The following GRM1 variants were observed in gnomAD, a reference collection of about 807,000 sequenced individuals.
GRM1 encodes the protein glutamate metabotropic receptor 1, also known as metabotropic glutamate receptor 1.
A neutral mutation model predicts 90.9 loss-of-function variants in GRM1; 33 were observed. That is an observed-to-expected ratio of 0.36 (90% CI 0.28 to 0.49). The LOEUF (loss-of-function observed/expected upper bound fraction) is 0.49. Ranked by LOEUF, GRM1 falls within the 20% of genes least tolerant of loss-of-function variation. The pLI is 0.99. For synonymous variants in GRM1, 700 were observed against 613.2 expected, an observed-to-expected ratio of 1.14 and a Z score of -2.09; for missense variants, 1,190 against 1,534.3, an observed-to-expected ratio of 0.78 and a Z score of 3.75.
intron 5 of GRM1, among the ~76,000 whole-genome samples, chr6:146,374,073 G>T (rs1776002785): frequency 6.6e-6 from 1 of 152,084 alleles, no homozygotes. Flanking sequence ...ATTAAGAAGA[G>T]AAGTTGAATT....
intron 5 of GRM1, among the ~76,000 whole-genome samples, chr6:146,362,078 C>G (rs891052478): frequency 6.6e-6 from 1 of 152,190 alleles, no homozygotes; most frequent in Non-Finnish European, 1.5e-5. Context: ...TCTCCTCTCT[C>G]TGCTCTCTTC....
intron 1 of GRM1, among the ~76,000 whole-genome samples, chr6:146,041,860 C>T (rs976719717): frequency 6.6e-6 from 1 of 151,942 alleles, no homozygotes; most frequent in Non-Finnish European, 1.5e-5. Context: ...GACGGAGTAG[C>T]TTATAAATAA....
intron 1 of GRM1, among the ~76,000 whole-genome samples, chr6:146,080,926 C>T (rs895515346): frequency 1.4e-4 from 21 of 152,158 alleles, no homozygotes; most frequent in African/African-American, 1.2e-4. Context: ...CCCACACCCA[C>T]GGTGGAGTGG....
chr6:146,206,868 C>G (rs1437082167), intron 2 of GRM1, among the ~76,000 whole-genome samples: 1 of 152,080 alleles, frequency 6.6e-6, no homozygotes, highest in East Asian at 1.9e-4. Context: ...TAGTTCTTAT[C>G]ATTTAGCTCC....
intron 2 of GRM1, among the ~76,000 whole-genome samples, chr6:146,281,704 A>C (rs1458245587): frequency 1.3e-5 from 2 of 152,206 alleles, no homozygotes; most frequent in Non-Finnish European, 2.9e-5. Context: ...AGTTGAAATC[A>C]CTTAATGTGA....
intron 1 of GRM1, among the ~76,000 whole-genome samples, chr6:146,140,653 A>T (rs911492018): frequency 6.6e-6 from 1 of 152,242 alleles, no homozygotes; most frequent in African/African-American, 2.4e-5. Context: ...TGAAAACTTA[A>T]CACTGATTGC....
chr6:146,120,510 T>C (rs1381234443), intron 1 of GRM1, among the ~76,000 whole-genome samples: 3 of 152,186 alleles, frequency 2.0e-5, no homozygotes, highest in African/African-American at 7.2e-5. Context: ...ATCCCTGTCT[T>C]GTGCCAGTTT....
intron 2 of GRM1, among the ~76,000 whole-genome samples, chr6:146,255,067 A>G (rs971343806): frequency 1.4e-4 from 21 of 152,214 alleles, no homozygotes; most frequent in Admixed American, 5.2e-4. Context: ...CCTCAGCAAA[A>G]CTACAACCGC....
chr6:146,410,505 TA>T (rs1360369134), intron 7 of GRM1, among the ~76,000 whole-genome samples: 12 of 150,520 alleles, frequency 8.0e-5, no homozygotes, highest in African/African-American at 2.9e-4. Context: ...TGTAGGGGAG[TA>T]GAGGAATACC....
At chr6:146,316,903 C>T (rs1050931648) in intron 3 of GRM1, among the ~76,000 whole-genome samples, 8 of 152,186 alleles carry the variant, frequency 5.3e-5, no homozygotes, top group African/African-American at 1.9e-4. Context: ...TTAGTCTAGG[C>T]TGCCAGCTTT....
intron 2 of GRM1, among the ~76,000 whole-genome samples, chr6:146,244,133 G>A (rs1019727125): frequency 1.4e-4 from 21 of 152,004 alleles, no homozygotes; most frequent in Admixed American, 3.9e-4. Flanking sequence ...TGAACAATTT[G>A]TGCAGTTAAC....
chr6:146,159,673 A>G (rs1391602736), intron 2 of GRM1, 76 bp downstream of exon 2: 5 of 1,441,620 alleles, frequency 3.5e-6, no homozygotes, highest in Non-Finnish European at 4.8e-6. Context: ...ACACTTTGAA[A>G]CACATATGCT....
Position 146,141,121 on chromosome 6 carries a change from G to A in GRM1, c.701-18227G>A, listed in dbSNP as rs193004959. Among the ~76,000 whole-genome samples the A allele has an allele frequency of 2.0e-5, 3 of 152,206 alleles. No individual in the cohort carries two copies. In the East Asian group the frequency reaches 5.8e-4, roughly 29 times the overall value. ...GAGAAAGTTTTTATTTTTTCTTCAT[G>A]GGTGAAGGATATGTTCACTGAATAT... On this transcript the variant is annotated intron_variant, in intron 1 of 7. Transcript: ENST00000282753.
chr6:146,359,417 T>G (rs1176249910), intron 5 of GRM1, among the ~76,000 whole-genome samples: 1 of 152,232 alleles, frequency 6.6e-6, no homozygotes, highest in Non-Finnish European at 1.5e-5. Context: ...ATGTCACATG[T>G]TGGCTCAGGC....
chr6:146,284,051 G>T (rs1457809537), intron 2 of GRM1, among the ~76,000 whole-genome samples: 1 of 152,138 alleles, frequency 6.6e-6, no homozygotes, highest in Middle Eastern at 3.2e-3. Context: ...ATGGAAATGG[G>T]CTTGGGCCTC....
chr6:146,137,050 GC>G (rs1776651759), intron 1 of GRM1, among the ~76,000 whole-genome samples: 1 of 151,662 alleles, frequency 6.6e-6, no homozygotes. Context: ...ACAGGGTTTC[GC>G]CATGTTGTCC....
At chr6:146,344,931 C>CTTGA (rs1260651112) in intron 3 of GRM1, among the ~76,000 whole-genome samples, 5 of 152,168 alleles carry the variant, frequency 3.3e-5, no homozygotes, top group African/African-American at 1.2e-4. Flanking sequence ...CCTGCCTCAG[C>CTTGA]CTCCCTAGTA....
chr6:146,261,786 G>T (rs1781703117), intron 2 of GRM1, among the ~76,000 whole-genome samples: 1 of 151,944 alleles, frequency 6.6e-6, no homozygotes, highest in Non-Finnish European at 1.5e-5. Flanking sequence ...GCTTGAGATG[G>T]TCTCCTAAAA....
At chr6:146,094,278 T>C (rs896754681) in intron 1 of GRM1, among the ~76,000 whole-genome samples, 1 of 152,072 alleles carries the variant, frequency 6.6e-6, no homozygotes, top group Non-Finnish European at 1.5e-5. Context: ...ATGGTAAATC[T>C]GTGGTGACTG....
Sources: gnomAD v4.1 joint callset for allele counts (sites outside exome capture counted in the v4.1 genomes callset) on GRCh38, gnomAD v4.1.1 for gene constraint, MANE v1.5 for transcripts, NCBI Gene and HGNC (gene_info 2026-07-23, HGNC 2026-07-21) for gene names.